FSD1L: variants seen among roughly 807,000 people sequenced by gnomAD.
FSD1L encodes fibronectin type III and SPRY domain containing 1 like.
Under a neutral mutation model 71.6 loss-of-function variants are expected in FSD1L, and 45 were observed. The observed-to-expected ratio is 0.63, with a 90% CI of 0.49 to 0.81. FSD1L has a LOEUF of 0.81. Ranked by LOEUF, FSD1L falls within the 30% of genes least tolerant of loss-of-function variation. The pLI, the probability that FSD1L is intolerant of heterozygous loss-of-function variation, is 0.00. For missense variants in FSD1L, 561 were observed against 618.1 expected, an observed-to-expected ratio of 0.91 and a Z score of 0.98; for synonymous variants, 197 against 207.2, an observed-to-expected ratio of 0.95 and a Z score of 0.42.
intron 4 of FSD1L, among the ~76,000 whole-genome samples, chr9:105,470,636 A>T (rs975554071): frequency 1.3e-5 from 2 of 152,128 alleles, no homozygotes; most frequent in African/African-American, 2.4e-5. Context: ...GTGGAAAAAC[A>T]CATATGTTGT....
chr9:105,502,554 T>C (rs1180198057), intron 7 of FSD1L, among the ~76,000 whole-genome samples: 4 of 152,206 alleles, frequency 2.6e-5, no homozygotes, highest in African/African-American at 9.6e-5. Context: ...AGTAGAACTT[T>C]TCTCCCCTAA....
intron 10 of FSD1L, chr9:105,531,021 C>T (rs1336972610): frequency 6.5e-6 from 1 of 154,726 alleles, no homozygotes; most frequent in Non-Finnish European, 1.4e-5. Context: ...AAGCGCTAAG[C>T]ATGCCGTATG....
intron 3 of FSD1L, among the ~76,000 whole-genome samples, chr9:105,464,616 G>A (rs899575534): frequency 6.6e-6 from 1 of 152,118 alleles, no homozygotes; most frequent in Non-Finnish European, 1.5e-5. Context: ...TAAATTAAGA[G>A]CAATTTGTAG....
At chr9:105,514,851 G>T (rs1021409806) in intron 10 of FSD1L, among the ~76,000 whole-genome samples, 1 of 152,120 alleles carries the variant, frequency 6.6e-6, no homozygotes, top group Non-Finnish European at 1.5e-5. Context: ...TTATGGGCCT[G>T]AGAGTCAAGA....
intron 7 of FSD1L, among the ~76,000 whole-genome samples, chr9:105,505,474 T>C (rs1030618139): frequency 6.6e-6 from 1 of 152,226 alleles, no homozygotes; most frequent in African/African-American, 2.4e-5. Context: ...TTGGTCAGGC[T>C]GGTCTCGAAC....
At position 105,550,927 on chromosome 9, in the gene FSD1L, T is replaced by C. The variant is rs941851937; in HGVS notation, c.*4444T>C. On this transcript the variant is annotated 3_prime_UTR_variant, in exon 14 of 14. Coordinates refer to ENST00000481272, the MANE Select transcript of FSD1L (RefSeq NM_001145313.3). The stretch of plus-strand genomic sequence containing the variant: ...TTCAATGTAAGCTGGTCCATGGGAA[T>C]GGACATGAAGAGGATTTCACAGTAT... The C allele has an allele frequency of 1.3e-5, 2 of 152,082 alleles. No individual in the cohort carries two copies. Among genetic ancestry groups the C allele is most frequent in the African/African-American group, 4.8e-5 (2 of 41,436 alleles). The allele number at this position is 152,082 out of a possible 1,614,324, so 9.4% of individuals were successfully genotyped here.
chr9:105,517,417 T>C (rs1178613382), intron 10 of FSD1L, among the ~76,000 whole-genome samples: 3 of 152,130 alleles, frequency 2.0e-5, no homozygotes, highest in Non-Finnish European at 4.4e-5. Flanking sequence ...GAGAGAAAGG[T>C]TGGATTACCC....
chr9:105,472,714 T>A (rs189580570), intron 5 of FSD1L: 1 of 152,322 alleles, frequency 6.6e-6, no homozygotes, highest in East Asian at 1.9e-4. Flanking sequence ...TATAACTGAT[T>A]TATGCCTAGT....
intron 13 of FSD1L, among the ~76,000 whole-genome samples, chr9:105,543,959 G>C (rs1293135633): frequency 1.3e-5 from 2 of 152,300 alleles, no homozygotes; most frequent in South Asian, 2.1e-4. Context: ...GTAATGGGAT[G>C]GCTGGGTCAA....
At chr9:105,522,845 C>G in intron 10 of FSD1L, 1 of 1,610,180 alleles carries the variant, frequency 6.2e-7, no homozygotes, top group Non-Finnish European at 8.5e-7. Flanking sequence ...GTCCAGGCAG[C>G]CTGGAAATTC....
At chr9:105,507,889 C>CTTTT (rs200267374) in intron 8 of FSD1L, among the ~76,000 whole-genome samples, 1 of 109,258 alleles carries the variant, frequency 9.2e-6, no homozygotes, top group African/African-American at 3.4e-5. Flanking sequence ...TATCACTCTT[C>CTTTT]TTTTTTTTTT....
intron 10 of FSD1L, among the ~76,000 whole-genome samples, chr9:105,528,556 G>T (rs755626853): frequency 3.9e-5 from 6 of 152,160 alleles, no homozygotes; most frequent in Non-Finnish European, 8.8e-5. Context: ...TTAATAAATG[G>T]TGTTGGGAGA....
chr9:105,503,332 C>T (rs969367077), intron 7 of FSD1L, among the ~76,000 whole-genome samples: 12 of 152,076 alleles, frequency 7.9e-5, no homozygotes, highest in African/African-American at 2.7e-4. Context: ...ATAAATGCCA[C>T]TATAATGTAT....
chr9:105,450,261 ATAG>A (rs1171147396), intron 1 of FSD1L, among the ~76,000 whole-genome samples: 1 of 152,170 alleles, frequency 6.6e-6, no homozygotes, highest in Non-Finnish European at 1.5e-5. Context: ...TACATTGAAA[ATAG>A]TAGTAGGGGT....
intron 8 of FSD1L, among the ~76,000 whole-genome samples, chr9:105,507,499 T>G (rs1220300976): frequency 6.6e-6 from 1 of 152,174 alleles, no homozygotes; most frequent in Non-Finnish European, 1.5e-5. Context: ...ATTATGAAGT[T>G]GGCTTTATTA....
In FSD1L at chr9:105,521,106, G is replaced by A. The variant is rs1835122446; in HGVS notation, c.1025+8170G>A. On this transcript the variant is annotated intron_variant, in intron 10 of 13. Transcript: ENST00000481272. ...ACATTATGTCATGATAAAGAAAGAT[G>A]CTGAAACCAATGAAGCAATCTATTG... 9 of 1,613,564 alleles carry A rather than the reference G, an allele frequency of 5.6e-6. No individual in the cohort carries two copies. The South Asian group carries it at 9.9e-5, about 18-fold the overall frequency.
chr9:105,507,103 A>C (rs920814049), intron 8 of FSD1L, among the ~76,000 whole-genome samples: 2 of 152,160 alleles, frequency 1.3e-5, no homozygotes, highest in Admixed American at 6.5e-5. Context: ...TTTAATTTTT[A>C]CCTTGGTTTT....
At chr9:105,502,478 C>G (rs191785417) in intron 7 of FSD1L, among the ~76,000 whole-genome samples, 3 of 152,116 alleles carry the variant, frequency 2.0e-5, no homozygotes, top group African/African-American at 7.2e-5. Context: ...ATCCCCTTCT[C>G]AGTTTTCTCA....
chr9:105,526,601 C>A (rs565650552), intron 10 of FSD1L, among the ~76,000 whole-genome samples: 2 of 152,274 alleles, frequency 1.3e-5, no homozygotes, highest in East Asian at 3.9e-4. Context: ...CCCTTTCAGG[C>A]CTTCATGTCT....
Sources: allele counts gnomAD v4.1 joint callset (sites outside exome capture counted in the v4.1 genomes callset), GRCh38; gene constraint gnomAD v4.1.1; transcripts MANE v1.5; gene names NCBI Gene and HGNC (gene_info 2026-07-23, HGNC 2026-07-21).